The following NANOS3 variants were observed in gnomAD, a reference collection of about 807,000 sequenced individuals.
The protein encoded by NANOS3 is nanos homolog 3.
NANOS3 carries 11 observed loss-of-function variants against 13.8 expected under a neutral mutation model. The ratio of observed to expected loss-of-function variants is 0.80; its 90% CI spans 0.50 to 1.32. The LOEUF is 1.32. NANOS3 is among the 40% of genes most tolerant of loss of function. The probability of loss-of-function intolerance (pLI) is 0.00; values close to 1 mark genes in which losing one functional copy is unlikely to be tolerated. For synonymous variants in NANOS3, 119 were observed against 115.4 expected, an observed-to-expected ratio of 1.03 and a Z score of -0.20; for missense variants, 221 against 263.8, an observed-to-expected ratio of 0.84 and a Z score of 1.12.
upstream of NANOS3, among the ~76,000 whole-genome samples, chr19:13,876,468 T>C (rs1372289102): frequency 6.6e-6 from 1 of 152,234 alleles, no homozygotes; most frequent in Non-Finnish European, 1.5e-5. Flanking sequence ...GCCTGGTGCA[T>C]GTCTTTATAA....
chr19:13,862,152 T>TG (rs1288507728), upstream of NANOS3: 2 of 152,342 alleles, frequency 1.3e-5, no homozygotes, highest in Non-Finnish European at 2.9e-5. Flanking sequence ...CCCCGGCAAA[T>TG]GCGTTGCAGC....
chr19:13,877,398 A>G lies in NANOS3; in HGVS notation c.150A>G (p.Pro50=). 1 of 1,612,514 alleles carries G rather than the reference A, an allele frequency of 6.2e-7. No homozygotes were observed. Among genetic ancestry groups the G allele is most frequent in the East Asian group, 2.2e-5 (1 of 44,876 alleles). ...CGGTGTCAGCCCTGGAGCCGATGCC[A>G]GCGCCGGAGTCGGTGCCAGTGCCGG... ...LEPVSALEPM[P]APESVPVPGP... Residue 50 remains proline (P), a synonymous_variant, in exon 1 of 2, where the codon CCA becomes CCG. Coordinates refer to ENST00000339133, the MANE Select transcript of NANOS3 (RefSeq NM_001098622.3).
intron 1 of NANOS3, among the ~76,000 whole-genome samples, chr19:13,878,405 AT>A (rs1332730706): frequency 2.7e-5 from 4 of 147,226 alleles, no homozygotes; most frequent in African/African-American, 5.0e-5. Flanking sequence ...TGGCCAGCTA[AT>A]TTTTGTATTT....
At chr19:13,863,935 G>T (rs979913929), upstream of NANOS3, among the ~76,000 whole-genome samples, 2 of 152,062 alleles carry the variant, frequency 1.3e-5, no homozygotes, top group East Asian at 3.9e-4. Flanking sequence ...GTGGGGAAGG[G>T]CCATGGCCCC....
intron 1 of NANOS3, among the ~76,000 whole-genome samples, chr19:13,869,800 ATACAGT>A (rs780380189): frequency 2.3e-4 from 35 of 149,844 alleles, no homozygotes; most frequent in Admixed American, 5.3e-4. Context: ...ACGCACACAC[ATACAGT>A]TACATACAAC....
chr19:13,877,040 GC>G (rs1393699869), upstream of NANOS3, among the ~76,000 whole-genome samples: 3 of 152,122 alleles, frequency 2.0e-5, no homozygotes, highest in Non-Finnish European at 2.9e-5. Context: ...GGGGCACCAG[GC>G]CCCCCTGTGA....
chr19:13,873,788 T>C (rs993650925), upstream of NANOS3, among the ~76,000 whole-genome samples: 2 of 151,792 alleles, frequency 1.3e-5, no homozygotes, highest in African/African-American at 4.8e-5. Flanking sequence ...TGCACCTTCC[T>C]AGGCCGTCCG....
chr19:13,866,084 C>T (rs926711305), intron 1 of NANOS3, among the ~76,000 whole-genome samples: 2 of 152,160 alleles, frequency 1.3e-5, no homozygotes, highest in Non-Finnish European at 2.9e-5. Context: ...CGCGGGCCGC[C>T]CCTCCGGCCT....
At chr19:13,867,465 G>A (rs143596656) in intron 1 of NANOS3, among the ~76,000 whole-genome samples, 14 of 149,010 alleles carry the variant, frequency 9.4e-5, no homozygotes, top group African/African-American at 3.2e-4. Flanking sequence ...GAGTTTTGCC[G>A]GTTGCCCAGG....
At position 13,880,158 on chromosome 19, in the gene NANOS3, C is replaced by G. The variant is rs994368282; in HGVS notation, c.518-284C>G. 3.9e-5 allele frequency among the ~76,000 whole-genome samples: 6 copies of G among 152,346 alleles called. No individual in the cohort carries two copies. In the South Asian group the frequency reaches 8.3e-4, roughly 21 times the overall value. ...AGATGGTGTCCTGCGGCCAGCCTTT[C>G]TGATGAACAACTTTTGGGAGTAACA... On this transcript the variant is annotated intron_variant, in intron 1 of 1. Coordinates refer to ENST00000339133, the MANE Select transcript of NANOS3 (RefSeq NM_001098622.3).
chr19:13,879,202 G>C (rs928172266), intron 1 of NANOS3, among the ~76,000 whole-genome samples: 1 of 149,690 alleles, frequency 6.7e-6, no homozygotes, highest in South Asian at 2.1e-4. Context: ...GCCTCCCGAA[G>C]TGCTGATATT....
chr19:13,864,909 T>A (rs895452355), upstream of NANOS3, among the ~76,000 whole-genome samples: 2 of 151,872 alleles, frequency 1.3e-5, no homozygotes, highest in Non-Finnish European at 2.9e-5. Context: ...GGTGTGTGTC[T>A]CGCAGCCCCC....
At chr19:13,876,194 A>G (rs1968506200), upstream of NANOS3, among the ~76,000 whole-genome samples, 1 of 152,150 alleles carries the variant, frequency 6.6e-6, no homozygotes, top group Non-Finnish European at 1.5e-5. Context: ...GCTGGAGTGC[A>G]GTGGCTTGAT....
chr19:13,866,259 G>A (rs570825937), intron 1 of NANOS3, among the ~76,000 whole-genome samples: 1 of 152,046 alleles, frequency 6.6e-6, no homozygotes, highest in Admixed American at 6.5e-5. Context: ...GCCCTGGAGG[G>A]CAGGCTGGGG....
At chr19:13,870,136 C>T (rs1421192703) in intron 1 of NANOS3, among the ~76,000 whole-genome samples, 1 of 151,864 alleles carries the variant, frequency 6.6e-6, no homozygotes, top group Admixed American at 6.6e-5. Context: ...CTCACTGCAG[C>T]CTCGACTTCC....
intron 1 of NANOS3, among the ~76,000 whole-genome samples, chr19:13,870,132 G>GCAGCCTCGACTTCCCTGGCTTCCGT (rs995688486): frequency 8.6e-5 from 13 of 151,708 alleles, no homozygotes; most frequent in South Asian, 4.2e-4. Context: ...CTCACTCACT[G>GCAGCCTCGACTTCCCTGGCTTCCGT]CAGCCTCGAC....
intron 1 of NANOS3, among the ~76,000 whole-genome samples, chr19:13,870,868 C>T (rs921210630): frequency 6.6e-6 from 1 of 151,958 alleles, no homozygotes; most frequent in African/African-American, 2.4e-5. Flanking sequence ...GAATGAGCCA[C>T]CGTGCCCGGC....
In NANOS3 at chr19:13,877,165, G is replaced by C; in HGVS notation, c.-84G>C. ...CAGAGAGGGGAAGGAAGGGGCAGCA[G>C]AGAGGGGTCAGAAGGAGGGAGCTTA... On this transcript the variant is annotated 5_prime_UTR_variant, in exon 1 of 2. Coordinates refer to ENST00000339133, the MANE Select transcript of NANOS3 (RefSeq NM_001098622.3). 1 of 1,181,700 alleles carries C rather than the reference G, an allele frequency of 8.5e-7. No homozygotes were observed. The highest frequency in any genetic ancestry group is 1.2e-6 in the Non-Finnish European group (1 of 823,980). 73.2% of individuals were successfully genotyped at this position (1,181,700 alleles called of 1,614,324 possible).
intron 1 of NANOS3, among the ~76,000 whole-genome samples, chr19:13,869,716 G>A (rs539375325): frequency 6.6e-6 from 1 of 150,962 alleles, no homozygotes; most frequent in South Asian, 2.1e-4. Context: ...AGGTCCTGAC[G>A]ACCTCCCCCA....
Sources: allele counts gnomAD v4.1 joint callset (sites outside exome capture counted in the v4.1 genomes callset), GRCh38; gene constraint gnomAD v4.1.1; transcripts MANE v1.5; gene names NCBI Gene and HGNC (gene_info 2026-07-23, HGNC 2026-07-21).